Variants in FER observed in about 807,000 individuals in gnomAD.
The protein encoded by FER is tyrosine-protein kinase Fer.
In FER, 63 loss-of-function variants were observed where a neutral mutation model predicts 111.0. The ratio of observed to expected loss-of-function variants is 0.57; its 90% confidence interval spans 0.46 to 0.70. The LOEUF is 0.70. Among genes scored for constraint, FER ranks in the 30% least tolerant of loss-of-function variants. The pLI, the probability that FER is intolerant of heterozygous loss-of-function variation, is 0.00. For synonymous variants in FER, 327 were observed against 313.9 expected, an observed-to-expected ratio of 1.04 and a Z score of -0.44; for missense variants, 914 against 954.0, an observed-to-expected ratio of 0.96 and a Z score of 0.55.
chr5:108,891,847 A>T (rs1748119479), intron 9 of FER, among the ~76,000 whole-genome samples: 1 of 151,726 alleles, frequency 6.6e-6, no homozygotes, highest in South Asian at 2.1e-4. Flanking sequence ...CCGGTGTGTG[A>T]TGTTCCCCTT....
At chr5:108,802,996 C>T (rs1434838993) in intron 3 of FER, among the ~76,000 whole-genome samples, 8 of 152,204 alleles carry the variant, frequency 5.3e-5, no homozygotes, top group South Asian at 2.1e-4. Flanking sequence ...CACAACCTCA[C>T]GAGCATGTGT....
intron 17 of FER, among the ~76,000 whole-genome samples, chr5:109,154,672 A>G (rs1211112789): frequency 6.6e-6 from 1 of 151,946 alleles, no homozygotes; most frequent in East Asian, 1.9e-4. Flanking sequence ...GAAAAGTACT[A>G]TTCGACATCT....
intron 8 of FER, among the ~76,000 whole-genome samples, chr5:108,880,272 C>G (rs145582180): frequency 6.6e-6 from 1 of 152,104 alleles, no homozygotes; most frequent in African/African-American, 2.4e-5. Flanking sequence ...AAGGATAGAA[C>G]AGAAGAAAGT....
At chr5:109,087,328 C>G (rs540812794) in intron 16 of FER, among the ~76,000 whole-genome samples, 47 of 151,870 alleles carry the variant, frequency 3.1e-4, no homozygotes, top group Admixed American at 1.8e-3. Context: ...TTAGTGCACA[C>G]TTGAAATGAA....
At chr5:108,773,766 G>A (rs180835553) in intron 2 of FER, among the ~76,000 whole-genome samples, 33 of 152,106 alleles carry the variant, frequency 2.2e-4, no homozygotes, top group Non-Finnish European at 4.1e-4. Context: ...TTGAGGAATC[G>A]CCACACTGTC....
chr5:108,983,193 T>C (rs1561716560), intron 13 of FER, among the ~76,000 whole-genome samples: 2 of 152,066 alleles, frequency 1.3e-5, no homozygotes, highest in Non-Finnish European at 2.9e-5. Context: ...TTGGACATAA[T>C]TGAGCATCAT....
intron 5 of FER, among the ~76,000 whole-genome samples, chr5:108,836,668 A>T (rs907169872): frequency 1.3e-5 from 2 of 152,254 alleles, no homozygotes; most frequent in South Asian, 2.1e-4. Context: ...ATTTTGTCAT[A>T]GTAAATGAAG....
At chr5:108,858,310 G>C (rs547822465) in intron 5 of FER, among the ~76,000 whole-genome samples, 1 of 152,174 alleles carries the variant, frequency 6.6e-6, no homozygotes, top group Non-Finnish European at 1.5e-5. Flanking sequence ...TACACAGAAA[G>C]TAATTTCAGT....
chr5:109,094,000 A>C lies in FER; in HGVS notation c.1925-6396A>C, dbSNP rs1447804944. 4.6e-5 allele frequency among the ~76,000 whole-genome samples: 7 copies of C among 152,226 alleles called. No homozygotes were observed. The East Asian group carries it at 9.6e-4, about 21-fold the overall frequency. ...AATATAAAATGAGTAGTTTAGCATC[A>C]AAGTAGGGAGAGAGGCAGACAGTCG... On this transcript the variant is annotated intron_variant, in intron 16 of 19. Coordinates refer to ENST00000281092, the MANE Select transcript of FER (RefSeq NM_005246.4).
rs371582864 is a variant in FER at position 108,967,596 on chromosome 5, C to G, written c.1656+8249C>G. On this transcript the variant is annotated intron_variant, in intron 13 of 19. Transcript: ENST00000281092. ...GGCCAATATGGTGAAACCCTCTCTA[C>G]TAAAAATACAAAAATTAGCTGGGTG... is the stretch of plus-strand genomic sequence containing the variant. Among the ~76,000 whole-genome samples, 112 of 151,806 alleles carry G rather than the reference C, an allele frequency of 7.4e-4. 3 individuals are homozygous for G. The South Asian group carries it at 0.022, about 30-fold the overall frequency.
At chr5:109,079,984 A>G (rs1402811197) in intron 16 of FER, among the ~76,000 whole-genome samples, 1 of 152,140 alleles carries the variant, frequency 6.6e-6, no homozygotes. Context: ...ACTATGCTCT[A>G]CATTTAAGCT....
chr5:109,116,423 C>G (rs552095253), intron 17 of FER, among the ~76,000 whole-genome samples: 2 of 121,346 alleles, frequency 1.6e-5, no homozygotes, highest in East Asian at 4.2e-4. Flanking sequence ...TTATTCCCCC[C>G]GCCAAAAAAA....
intron 17 of FER, among the ~76,000 whole-genome samples, chr5:109,154,594 G>C (rs1409504564): frequency 6.6e-6 from 1 of 151,830 alleles, no homozygotes; most frequent in East Asian, 1.9e-4. Flanking sequence ...AAGATGGAAG[G>C]AAAGAGGAAT....
chr5:109,176,116 AAAACT>A (rs1384913473), intron 17 of FER, among the ~76,000 whole-genome samples: 1 of 152,202 alleles, frequency 6.6e-6, no homozygotes, highest in African/African-American at 2.4e-5. Flanking sequence ...CTTAAGAAAA[AAAACT>A]AAGAGTAGAA....
intron 14 of FER, among the ~76,000 whole-genome samples, chr5:109,039,165 G>C (rs569270657): frequency 6.6e-5 from 10 of 151,372 alleles, no homozygotes; most frequent in African/African-American, 2.4e-4. Flanking sequence ...TATTGTTAGA[G>C]ACTTTGGAGT....
chr5:108,961,560 A>G (rs1341024186), intron 13 of FER, among the ~76,000 whole-genome samples: 3 of 152,116 alleles, frequency 2.0e-5, no homozygotes, highest in African/African-American at 7.2e-5. Flanking sequence ...TTAAATCGTT[A>G]TATGTGATTT....
intron 16 of FER, among the ~76,000 whole-genome samples, chr5:109,048,838 G>GC (rs1772349877): frequency 2.7e-4 from 2 of 7,384 alleles, no homozygotes; most frequent in South Asian, 0.019. Flanking sequence ...TTCAGATCTT[G>GC]CTTTTTTTTT....
chr5:108,993,826 C>G (rs1763648317), intron 13 of FER, among the ~76,000 whole-genome samples: 1 of 152,134 alleles, frequency 6.6e-6, no homozygotes, highest in South Asian at 2.1e-4. Context: ...GCCCTTCTGA[C>G]TGGTGTGAGA....
At chr5:108,978,783 A>G (rs747960310) in intron 13 of FER, among the ~76,000 whole-genome samples, 5 of 152,206 alleles carry the variant, frequency 3.3e-5, no homozygotes, top group African/African-American at 4.8e-5. Context: ...TAGGAATATT[A>G]TAATTAATAA....
Sources: gnomAD v4.1 joint callset for allele counts (sites outside exome capture counted in the v4.1 genomes callset) on GRCh38, gnomAD v4.1.1 for gene constraint, MANE v1.5 for transcripts, NCBI Gene and HGNC (gene_info 2026-07-23, HGNC 2026-07-21) for gene names.